CCNI2: variants seen among roughly 807,000 people sequenced by gnomAD.
CCNI2 encodes cyclin-I2.
Under a neutral mutation model 33.2 loss-of-function variants are expected in CCNI2, and 32 were observed. The ratio of observed to expected loss-of-function variants is 0.96; its 90% confidence interval spans 0.73 to 1.30. The LOEUF is 1.30. Among genes scored for constraint, CCNI2 ranks in the 50% most tolerant of loss-of-function variants. The pLI is 0.00. For missense variants in CCNI2, 452 were observed against 486.2 expected (o/e 0.93, Z 0.66); for synonymous variants, 231 against 219.9 (o/e 1.05, Z -0.45).
At position 132,747,950 on chromosome 5, in the gene CCNI2, C is replaced by A. The variant is rs115577202; in HGVS notation, c.429+26C>A. On this transcript the variant is annotated intron_variant, in intron 1 of 5. Coordinates refer to ENST00000378731, the MANE Select transcript of CCNI2 (RefSeq NM_001039780.4). The surrounding 1 kb of genome is among the most constrained non-coding windows in gnomAD (Gnocchi z 4.1). Reference sequence around the variant, plus strand: ...GTACCCGTCGCTGCCGCGTGGCCCTCCTCGCGCGTGCACGGCAGGCGGATG... The same window carrying A: ...GTACCCGTCGCTGCCGCGTGGCCCTACTCGCGCGTGCACGGCAGGCGGATG... The A allele has an allele frequency of 9.8e-5, 133 of 1,363,692 alleles. No individual in the cohort carries two copies. In the African/African-American group the frequency reaches 1.9e-3, roughly 20 times the overall value. The allele number at this position is 1,363,692 out of a possible 1,614,324, so 84.5% of individuals were successfully genotyped here.
At position 132,750,907 on chromosome 5, in the gene CCNI2, C is replaced by T; in HGVS notation, c.684C>T (p.Ser228=). The change falls in exon 4 of 6, where the codon TCC becomes TCT. Residue 228 remains serine (S), a synonymous_variant. Transcript: ENST00000378731. ...CAAAGCACTATGGCTCTGACTATTC[C>T]CCGAATGAGCTGCTGAGGATGGAGC... ...DFTKHYGSDY[S]PNELLRMELA... 6.2e-7 allele frequency: 1 copy of T among 1,614,248 alleles called. No homozygotes were observed. Among genetic ancestry groups the T allele is most frequent in the Non-Finnish European group, 8.5e-7 (1 of 1,180,042 alleles).
chr5:132,748,747 C>T (rs915076473), intron 2 of CCNI2, among the ~76,000 whole-genome samples: 1 of 152,024 alleles, frequency 6.6e-6, no homozygotes, highest in Non-Finnish European at 1.5e-5. Flanking sequence ...GTGCTTGTCT[C>T]GACCTGTCGA....
chr5:132,751,108 C>T (rs765926958), intron 4 of CCNI2, 111 bp downstream of exon 4: 2 of 1,253,428 alleles, frequency 1.6e-6, no homozygotes, highest in African/African-American at 3.0e-5. Flanking sequence ...CTTGCACATG[C>T]ACCACAGTGA....
intron 3 of CCNI2, among the ~76,000 whole-genome samples, chr5:132,749,624 A>T (rs1457901792): frequency 2.6e-5 from 4 of 152,144 alleles, no homozygotes; most frequent in Non-Finnish European, 4.4e-5. Context: ...AGAGCAGCTG[A>T]ACTGTCCTGG....
Position 132,748,378 on chromosome 5 carries a change from T to C in CCNI2, c.461T>C (p.Val154Ala). The C allele has an allele frequency of 6.2e-7, 1 of 1,614,154 alleles. No homozygotes were observed. The highest frequency in any genetic ancestry group is 8.5e-7 in the Non-Finnish European group (1 of 1,180,018). Residue 154 changes from valine (V) to alanine (A), a missense_variant, in exon 2 of 6, where the codon GTG (valine) becomes GCG (alanine). By Grantham distance (64) the Val-to-Ala change is moderately conservative. Transcript: ENST00000378731. Reference protein sequence around the residue: ...DEICDAFEEVVLWLLRLQNTF... With the variant: ...DEICDAFEEVALWLLRLQNTF... ...ATCTGCGACGCCTTCGAGGAAGTCGTGCTGTGGCTCCTGCGGCTTCAGAAC... is the reference window on the plus strand; with the variant it reads ...ATCTGCGACGCCTTCGAGGAAGTCGCGCTGTGGCTCCTGCGGCTTCAGAAC...
intron 5 of CCNI2, among the ~76,000 whole-genome samples, chr5:132,752,433 A>C (rs892715689): frequency 6.6e-6 from 1 of 152,100 alleles, no homozygotes; most frequent in African/African-American, 2.4e-5. Context: ...GAGTGAGAGA[A>C]TCTTTATCTC....
downstream of CCNI2, among the ~76,000 whole-genome samples, chr5:132,755,538 T>G (rs1031327068): frequency 2.6e-5 from 4 of 152,192 alleles, no homozygotes; most frequent in African/African-American, 7.2e-5. Flanking sequence ...TACTTAAACC[T>G]CTGTGCTTCA....
At position 132,747,734 on chromosome 5, in the gene CCNI2, G is replaced by A. The variant is rs1380193828; in HGVS notation, c.239G>A (p.Arg80His). 6.8e-7 allele frequency: 1 copy of A among 1,472,852 alleles called. No individual in the cohort carries two copies. Among genetic ancestry groups the A allele is most frequent in the Non-Finnish European group, 8.9e-7 (1 of 1,120,262 alleles). 91.2% of individuals were successfully genotyped at this position (1,472,852 alleles called of 1,614,324 possible). The change falls in exon 1 of 6, where the codon CGC becomes CAC. Residue 80 changes from arginine to histidine, a missense_variant. By Grantham distance (29) the Arg-to-His change is conservative (BLOSUM62 0). Transcript: ENST00000378731. This position sits in a 1 kb window ranked among gnomAD's most constrained non-coding sequence, Gnocchi z 4.1. ...ASAAVPVRPR[R>H]GTAPAGKTAD... ...GCAGCAGTCCCCGTGCGGCCCCGGC[G>A]CGGTACGGCGCCAGCCGGGAAAACC...
At chr5:132,750,620 G>T (rs1445246971) in intron 3 of CCNI2, among the ~76,000 whole-genome samples, 1 of 152,214 alleles carries the variant, frequency 6.6e-6, no homozygotes, top group Non-Finnish European at 1.5e-5. Flanking sequence ...CTAGCATGCA[G>T]CTGGGGGATC....
chr5:132,751,317 A>T (rs1035011309), intron 4 of CCNI2: 1 of 246,458 alleles, frequency 4.1e-6, no homozygotes, highest in Non-Finnish European at 7.7e-6. Context: ...CTGTACATAA[A>T]TATCTGTCTG....
Position 132,747,684 on chromosome 5 carries a change from A to G in CCNI2, c.189A>G (p.Gly63=), listed in dbSNP as rs1237606592. 1 of 1,499,892 alleles carries G rather than the reference A, an allele frequency of 6.7e-7. No individual in the cohort carries two copies. Among genetic ancestry groups the G allele is most frequent in the Admixed American group, 2.1e-5 (1 of 46,890 alleles). 92.9% of individuals were successfully genotyped at this position (1,499,892 alleles called of 1,614,324 possible). The change falls in exon 1 of 6, where the codon GGA becomes GGG. Residue 63 remains glycine, a synonymous_variant. Transcript: ENST00000378731. The surrounding 1 kb of genome is among the most constrained non-coding windows in gnomAD (Gnocchi z 4.1). The part of the protein sequence containing the change: ...RSRCPGTRQP[G]AASLHAASAA... Reference sequence around the variant, plus strand: ...GGTGCCCTGGGACCCGCCAGCCCGGAGCGGCCTCCCTCCACGCGGCGTCCG... The same window carrying G: ...GGTGCCCTGGGACCCGCCAGCCCGGGGCGGCCTCCCTCCACGCGGCGTCCG...
intron 3 of CCNI2, 137 bp from the exon 4 acceptor site, chr5:132,750,713 GTATTTCT>G (rs1285561405): frequency 1.3e-6 from 1 of 765,256 alleles, no homozygotes. Context: ...ATCTGGTTTA[GTATTTCT>G]TTCAGAAGCA....
chr5:132,748,257 C>G lies in CCNI2; in HGVS notation c.430-90C>G, dbSNP rs149367607. The stretch of plus-strand genomic sequence containing the variant: ...AAGGGACTTCTCACTGCCCCACCCC[C>G]CGCACCTTAAGCAGGAGGCTCCTGC... On this transcript the variant is annotated intron_variant, in intron 1 of 5. Transcript: ENST00000378731. 5,400 of 1,544,850 alleles carry G rather than the reference C, an allele frequency of 3.5e-3. 251 individuals are homozygous for G. In the Admixed American group the frequency reaches 0.083, roughly 24 times the overall value.
chr5:132,751,184 C>G, intron 4 of CCNI2, 187 bp downstream of exon 4: 1 of 527,496 alleles, frequency 1.9e-6, no homozygotes, highest in Non-Finnish European at 3.2e-6. Flanking sequence ...CACAGTTCCA[C>G]CAGACTCCCA....
downstream of CCNI2, chr5:132,754,464 T>C (rs1398947090): frequency 1.4e-6 from 1 of 717,474 alleles, no homozygotes; most frequent in South Asian, 1.5e-5. Context: ...CATCTGCTGC[T>C]TAACCAGGTG....
At chr5:132,752,717 A>G (rs1754959149) in intron 5 of CCNI2, 149 bp from the exon 6 acceptor site, 2 of 633,640 alleles carry the variant, frequency 3.2e-6, no homozygotes, top group East Asian at 2.7e-5. Flanking sequence ...TTGGAAATGG[A>G]TGTCCCTGAG....
intron 5 of CCNI2, 63 bp from the exon 6 acceptor site, chr5:132,752,803 A>G (rs530169763): frequency 1.6e-5 from 23 of 1,463,734 alleles, no homozygotes; most frequent in African/African-American, 2.8e-5. Context: ...TTGGCACTCA[A>G]TTGCCAATTT....
At chr5:132,750,761 C>A (rs1754776168) in intron 3 of CCNI2, 96 bp from the exon 4 acceptor site, 1 of 1,292,178 alleles carries the variant, frequency 7.7e-7, no homozygotes, top group African/African-American at 1.5e-5. Context: ...GAAGACAACT[C>A]CACTAAGGTC....
rs1388558666 is a variant in CCNI2 at position 132,754,172 on chromosome 5, A to G, written c.*1202A>G. ...ACACTTTAATTGCTTCCGATCCTGT[A>G]TGAGTCTTATTTTGAGCTACCATGC... On this transcript the variant is annotated 3_prime_UTR_variant, in exon 6 of 6. Transcript: ENST00000378731. 2.1e-6 allele frequency: 1 copy of G among 483,884 alleles called. No homozygotes were observed. The highest frequency in any genetic ancestry group is 3.7e-6 in the Non-Finnish European group (1 of 269,934). 30.0% of individuals were successfully genotyped at this position (483,884 alleles called of 1,614,324 possible).
Sources: gnomAD v4.1 joint callset for allele counts (sites outside exome capture counted in the v4.1 genomes callset) on GRCh38, gnomAD v4.1.1 for gene constraint, Gnocchi (gnomAD v3.1) non-coding constraint, MANE v1.5 for transcripts, NCBI Gene and HGNC (gene_info 2026-07-23, HGNC 2026-07-21) for gene names.